The following RNF187 variants were observed in gnomAD, a reference collection of about 807,000 sequenced individuals.
RNF187 encodes the protein ring finger protein 187, also known as E3 ubiquitin-protein ligase RNF187.
Under a neutral mutation model 22.2 loss-of-function variants are expected in RNF187, and 18 were observed. The ratio of observed to expected loss-of-function variants is 0.81; its 90% CI spans 0.56 to 1.20. The LOEUF is 1.20. RNF187 is among the 50% of genes most tolerant of loss of function. The pLI is 0.00. For missense variants in RNF187, 329 were observed against 317.6 expected (o/e 1.04, Z -0.27); for synonymous variants, 164 against 140.9 (o/e 1.16, Z -1.16).
Position 228,489,068 on chromosome 1 carries a change from TG to T in RNF187, c.483+20del. 1.9e-6 allele frequency: 3 copies of T among 1,538,870 alleles called. No individual in the cohort carries two copies. The highest frequency in any genetic ancestry group is 2.4e-5 in the South Asian group (2 of 83,932). ...AGTGTGGAAGGCAAGTGGGGGGACCTGGGGCAGCCTGGAATGAGGGGACTGT... is the reference window on the plus strand; with the variant it reads ...AGTGTGGAAGGCAAGTGGGGGGACCTGGGCAGCCTGGAATGAGGGGACTGT... On this transcript the variant is annotated intron_variant, in intron 2 of 3. Transcript: ENST00000305943.
In RNF187 at chr1:228,495,451, T is replaced by C; in HGVS notation, c.*1566T>C. The C allele has an allele frequency of 1.0e-6, 1 of 984,364 alleles. No homozygotes were observed. The highest frequency in any genetic ancestry group is 1.2e-6 in the Non-Finnish European group (1 of 829,114). 61.0% of individuals were successfully genotyped at this position (984,364 alleles called of 1,614,324 possible). Reference sequence around the variant, plus strand: ...AGAAGATTCCAGAGCCTGGCCAGAGTTTGGCCAAGTAGAGAATCTTTGTCA... The same window carrying C: ...AGAAGATTCCAGAGCCTGGCCAGAGCTTGGCCAAGTAGAGAATCTTTGTCA... On this transcript the variant is annotated 3_prime_UTR_variant, in exon 4 of 4. Transcript: ENST00000305943.
rs1411200002 is a variant in RNF187 at position 228,487,456 on chromosome 1, C to T, written c.-33C>T. 2 of 1,104,072 alleles carry T rather than the reference C, an allele frequency of 1.8e-6. No individual in the cohort carries two copies. Among genetic ancestry groups the T allele is most frequent in the Admixed American group, 5.1e-5 (1 of 19,624 alleles). 68.4% of individuals were successfully genotyped at this position (1,104,072 alleles called of 1,614,324 possible). ...AGGTCTCCGGCCCTCCCCAGCCGCT[C>T]CTGCGCCCTTGCCGGCCCCGCCGCC... On this transcript the variant is annotated 5_prime_UTR_variant, in exon 1 of 4. Coordinates refer to ENST00000305943, the MANE Select transcript of RNF187 (RefSeq NM_001010858.3).
chr1:228,494,419 C>A lies in RNF187; in HGVS notation c.*534C>A. 1.0e-6 allele frequency: 1 copy of A among 996,314 alleles called. No homozygotes were observed. Among genetic ancestry groups the A allele is most frequent in the South Asian group, 4.5e-5 (1 of 22,384 alleles). The allele number at this position is 996,314 out of a possible 1,614,324, so 61.7% of individuals were successfully genotyped here. A position where few individuals can be genotyped will look rare whatever the true frequency, so the allele number is the denominator to read the frequency against. On this transcript the variant is annotated 3_prime_UTR_variant, in exon 4 of 4. Transcript: ENST00000305943. ...CTTGATGCCTCCTGAGGAGGCGGCC[C>A]CCCTCTTGAGGTGGGCGTGGGCCCG...
At position 228,494,244 on chromosome 1, in the gene RNF187, C is replaced by T; in HGVS notation, c.*359C>T. On this transcript the variant is annotated 3_prime_UTR_variant, in exon 4 of 4. Coordinates refer to ENST00000305943, the MANE Select transcript of RNF187 (RefSeq NM_001010858.3). ...TCCAGGGACCCAGACCCTGCACCTT[C>T]CATGTGGGCCCACAGATCCTTGGCA... is the stretch of plus-strand genomic sequence containing the variant. 2.4e-6 allele frequency: 3 copies of T among 1,240,808 alleles called. No homozygotes were observed. The highest frequency in any genetic ancestry group is 3.1e-6 in the Non-Finnish European group (3 of 980,240). 76.9% of individuals were successfully genotyped at this position (1,240,808 alleles called of 1,614,324 possible). A position where few individuals can be genotyped will look rare whatever the true frequency, so the allele number is the denominator to read the frequency against.
rs1423799838 is a variant in RNF187 at position 228,487,800 on chromosome 1, C to G, written c.312C>G (p.Leu104=). 2.6e-6 allele frequency: 3 copies of G among 1,149,984 alleles called. No individual in the cohort carries two copies. The highest frequency in any genetic ancestry group is 7.1e-5 in the South Asian group (2 of 28,132). The allele number at this position is 1,149,984 out of a possible 1,614,324, so 71.2% of individuals were successfully genotyped here. A position where few individuals can be genotyped will look rare whatever the true frequency, so the allele number is the denominator to read the frequency against. ...TGTGCCGCGCCGACGCCGGCCCGCT[C>G]TGCGCCGCCTGCCGTATGGCTGCGG... The change falls in exon 1 of 4, where the codon CTC becomes CTG. Residue 104 remains leucine, a synonymous_variant. Transcript: ENST00000305943.
In RNF187 at chr1:228,489,515, G is replaced by C; in HGVS notation, c.483+463G>C. On this transcript the variant is annotated intron_variant, in intron 2 of 3. Transcript: ENST00000305943. ...GGGTCTTGCTGTGTTGCCCAGGCTG[G>C]TCTCAAACTCCTGACCTTAAGCGGT... Among the ~76,000 whole-genome samples, 3 of 152,256 alleles carry C rather than the reference G, an allele frequency of 2.0e-5. No individual in the cohort carries two copies. In the East Asian group the frequency reaches 5.8e-4, roughly 29 times the overall value.
At position 228,487,402 on chromosome 1, in the gene RNF187, G is replaced by C; in HGVS notation, c.-87G>C. On this transcript the variant is annotated 5_prime_UTR_variant, in exon 1 of 4. Transcript: ENST00000305943. ...CCGGCGTTGGCGTCTTCGTCCTGTT[G>C]CTGGTCTCCGTCCGGTCGCCGGCCG... The C allele has an allele frequency of 9.4e-7, 1 of 1,066,254 alleles. No homozygotes were observed. Among genetic ancestry groups the C allele is most frequent in the Non-Finnish European group, 1.1e-6 (1 of 883,678 alleles). 66.0% of individuals were successfully genotyped at this position (1,066,254 alleles called of 1,614,324 possible).
At position 228,494,079 on chromosome 1, in the gene RNF187, C is replaced by A; in HGVS notation, c.*194C>A. On this transcript the variant is annotated 3_prime_UTR_variant, in exon 4 of 4. Transcript: ENST00000305943. Reference sequence around the variant, plus strand: ...GTGTTTTGGGGGCTGCAAACACCTCCCGGTAGAGGCTGGACCTGAGGACCC... The same window carrying A: ...GTGTTTTGGGGGCTGCAAACACCTCACGGTAGAGGCTGGACCTGAGGACCC... The A allele has an allele frequency of 6.1e-6, 9 of 1,486,498 alleles. No individual in the cohort carries two copies. Among genetic ancestry groups the A allele is most frequent in the Non-Finnish European group, 8.0e-6 (9 of 1,119,528 alleles). 92.1% of individuals were successfully genotyped at this position (1,486,498 alleles called of 1,614,324 possible). A position where few individuals can be genotyped will look rare whatever the true frequency, so the allele number is the denominator to read the frequency against.
Position 228,495,704 on chromosome 1 carries a change from T to TC in RNF187, c.*1822dup. ...CACCTAACCTAGCTGACCAGCAACA[T>TC]CCCACCCTGTCAATCACAACCTCTT... On this transcript the variant is annotated 3_prime_UTR_variant, in exon 4 of 4. Transcript: ENST00000305943. 1.0e-6 allele frequency: 1 copy of TC among 985,572 alleles called. No homozygotes were observed. The highest frequency in any genetic ancestry group is 1.2e-6 in the Non-Finnish European group (1 of 829,918). The allele number at this position is 985,572 out of a possible 1,614,324, so 61.1% of individuals were successfully genotyped here.
chr1:228,495,420 C>T lies in RNF187; in HGVS notation c.*1535C>T. 1.0e-6 allele frequency: 1 copy of T among 953,512 alleles called. No individual in the cohort carries two copies. Among genetic ancestry groups the T allele is most frequent in the African/African-American group, 1.8e-5 (1 of 56,478 alleles). The allele number at this position is 953,512 out of a possible 1,614,324, so 59.1% of individuals were successfully genotyped here. On this transcript the variant is annotated 3_prime_UTR_variant, in exon 4 of 4. Coordinates refer to ENST00000305943, the MANE Select transcript of RNF187 (RefSeq NM_001010858.3). ...TTTCATAAGAAAGGGCAAAGAGGGC[C>T]CTAGGAGAAGATTCCAGAGCCTGGC...
At position 228,493,417 on chromosome 1, in the gene RNF187, C is replaced by T; in HGVS notation, c.705+143C>T. On this transcript the variant is annotated intron_variant, in intron 3 of 3. Coordinates refer to ENST00000305943, the MANE Select transcript of RNF187 (RefSeq NM_001010858.3). This position sits in a 1 kb window ranked among gnomAD's most constrained non-coding sequence, Gnocchi z 4.7. Reference sequence around the variant, plus strand: ...GCCGTGGCCTTGCAGGGCTGAATTTCGGGAATGGGTGGGTGGTCAGGGAAG... The same window carrying T: ...GCCGTGGCCTTGCAGGGCTGAATTTTGGGAATGGGTGGGTGGTCAGGGAAG... 5 of 1,432,642 alleles carry T rather than the reference C, an allele frequency of 3.5e-6. No homozygotes were observed. Among genetic ancestry groups the T allele is most frequent in the African/African-American group, 2.9e-5 (2 of 69,752 alleles). 88.7% of individuals were successfully genotyped at this position (1,432,642 alleles called of 1,614,324 possible). A position where few individuals can be genotyped will look rare whatever the true frequency, so the allele number is the denominator to read the frequency against.
At chr1:228,489,798 C>T in intron 2 of RNF187, among the ~76,000 whole-genome samples, 15 of 152,244 alleles carry the variant, frequency 9.9e-5, no homozygotes, top group African/African-American at 2.6e-4. Context: ...ACACTGATTC[C>T]GTTCTTGAGA....
chr1:228,495,823 G>GTTTT lies in RNF187; in HGVS notation c.*1943_*1946dup. 1 of 856,870 alleles carries GTTTT rather than the reference G, an allele frequency of 1.2e-6. No individual in the cohort carries two copies. Among genetic ancestry groups the GTTTT allele is most frequent in the Non-Finnish European group, 1.4e-6 (1 of 712,956 alleles). 53.1% of individuals were successfully genotyped at this position (856,870 alleles called of 1,614,324 possible). A position where few individuals can be genotyped will look rare whatever the true frequency, so the allele number is the denominator to read the frequency against. On this transcript the variant is annotated 3_prime_UTR_variant, in exon 4 of 4. Coordinates refer to ENST00000305943, the MANE Select transcript of RNF187 (RefSeq NM_001010858.3). ...TGACAGATTAATGTATCCATCTCAT[G>GTTTT]TTTTTTTTGGTGGTGAGAATATTTG...
In RNF187 at chr1:228,487,610, C is replaced by T. The variant is rs1401841131; in HGVS notation, c.122C>T (p.Ala41Val). ...CGGGCGTGCGTGGTGCGCTTCTGGG[C>T]CGAGGAGGACGGGCCCTTCCCGTGC... The change falls in exon 1 of 4, where the codon GCC becomes GTC. Residue 41 changes from alanine to valine, a missense_variant. Physicochemically the swap from Ala to Val is moderately conservative, Grantham distance 64. Transcript: ENST00000305943. 5 of 1,259,962 alleles carry T rather than the reference C, an allele frequency of 4.0e-6. No individual in the cohort carries two copies. Among genetic ancestry groups the T allele is most frequent in the Middle Eastern group, 3.1e-4 (1 of 3,180 alleles). The allele number at this position is 1,259,962 out of a possible 1,614,324, so 78.0% of individuals were successfully genotyped here. A position where few individuals can be genotyped will look rare whatever the true frequency, so the allele number is the denominator to read the frequency against.
rs956109156 is a variant in RNF187 at position 228,487,593 on chromosome 1, C to A, written c.105C>A (p.Cys35Ter). The change falls in exon 1 of 4, where the codon TGC becomes TGA. Residue 35 changes from cysteine (C) to a stop codon, truncating the protein, a stop_gained. Transcript: ENST00000305943. LOFTEE classifies it high-confidence loss of function. ...GCGGCCACCGCTTCTGTCGGGCGTGCGTGGTGCGCTTCTGGGCCGAGGAGG... is the reference window on the plus strand; with the variant it reads ...GCGGCCACCGCTTCTGTCGGGCGTGAGTGGTGCGCTTCTGGGCCGAGGAGG... 18 of 1,272,842 alleles carry A rather than the reference C, an allele frequency of 1.4e-5. No homozygotes were observed. Among genetic ancestry groups the A allele is most frequent in the Non-Finnish European group, 1.6e-5 (16 of 995,222 alleles). The allele number at this position is 1,272,842 out of a possible 1,614,324, so 78.8% of individuals were successfully genotyped here. A position where few individuals can be genotyped will look rare whatever the true frequency, so the allele number is the denominator to read the frequency against.
In RNF187 at chr1:228,487,545, C is replaced by A. The variant is rs536308340; in HGVS notation, c.57C>A (p.Pro19=). Residue 19 remains proline (P), a synonymous_variant, in exon 1 of 4, where the codon CCC becomes CCA. Coordinates refer to ENST00000305943, the MANE Select transcript of RNF187 (RefSeq NM_001010858.3). ...CCTGCGCCCTGTGCCAGCGCGCGCC[C>A]CGGGAACCGGTGCGCGCCGACTGCG... 4.9e-6 allele frequency: 6 copies of A among 1,230,538 alleles called. No homozygotes were observed. The Admixed American group carries it at 2.2e-4, about 44-fold the overall frequency. 76.2% of individuals were successfully genotyped at this position (1,230,538 alleles called of 1,614,324 possible). A position where few individuals can be genotyped will look rare whatever the true frequency, so the allele number is the denominator to read the frequency against.
chr1:228,487,564 G>A lies in RNF187; in HGVS notation c.76G>A (p.Asp26Asn), dbSNP rs1269458938. The A allele has an allele frequency of 6.4e-6, 8 of 1,251,022 alleles. No homozygotes were observed. The highest frequency in any genetic ancestry group is 1.9e-5 in the South Asian group (1 of 53,076). 77.5% of individuals were successfully genotyped at this position (1,251,022 alleles called of 1,614,324 possible). ...CGCGCCCCGGGAACCGGTGCGCGCC[G>A]ACTGCGGCCACCGCTTCTGTCGGGC... Residue 26 changes from aspartate (D) to asparagine (N), a missense_variant, in exon 1 of 4, where the codon GAC becomes AAC. Coordinates refer to ENST00000305943, the MANE Select transcript of RNF187 (RefSeq NM_001010858.3).
chr1:228,494,233 C>T lies in RNF187; in HGVS notation c.*348C>T. 1 of 1,276,852 alleles carries T rather than the reference C, an allele frequency of 7.8e-7. No homozygotes were observed. Among genetic ancestry groups the T allele is most frequent in the Non-Finnish European group, 1.0e-6 (1 of 1,001,844 alleles). 79.1% of individuals were successfully genotyped at this position (1,276,852 alleles called of 1,614,324 possible). On this transcript the variant is annotated 3_prime_UTR_variant, in exon 4 of 4. Transcript: ENST00000305943. ...TCACCTCGTCATCCAGGGACCCAGA[C>T]CCTGCACCTTCCATGTGGGCCCACA... is the stretch of plus-strand genomic sequence containing the variant.
Position 228,487,646 on chromosome 1 carries a change from C to G in RNF187, c.158C>G (p.Ala53Gly). The change falls in exon 1 of 4, where the codon GCC becomes GGC. Residue 53 changes from alanine to glycine, a missense_variant. Coordinates refer to ENST00000305943, the MANE Select transcript of RNF187 (RefSeq NM_001010858.3). ...GGGCCCTTCCCGTGCCCCGAGTGCG[C>G]CGACGACTGCTGGCAGCGCGCCGTG... The G allele has an allele frequency of 8.5e-7, 1 of 1,176,764 alleles. No individual in the cohort carries two copies. Among genetic ancestry groups the G allele is most frequent in the Non-Finnish European group, 1.1e-6 (1 of 941,900 alleles). The allele number at this position is 1,176,764 out of a possible 1,614,324, so 72.9% of individuals were successfully genotyped here. A position where few individuals can be genotyped will look rare whatever the true frequency, so the allele number is the denominator to read the frequency against.
Sources: allele counts gnomAD v4.1 joint callset (sites outside exome capture counted in the v4.1 genomes callset), GRCh38; gene constraint gnomAD v4.1.1; non-coding constraint Gnocchi (gnomAD v3.1); transcripts MANE v1.5; gene names NCBI Gene and HGNC (gene_info 2026-07-23, HGNC 2026-07-21).